The following STK31 variants were observed in gnomAD, a reference collection of about 807,000 sequenced individuals.
STK31 encodes serine/threonine-protein kinase 31.
STK31 carries 89 observed loss-of-function variants against 129.7 expected under a neutral mutation model. The ratio of observed to expected loss-of-function variants is 0.69; its 90% CI spans 0.58 to 0.82. The LOEUF (loss-of-function observed/expected upper bound fraction) is 0.82. STK31 is among the 40% of genes least tolerant of loss of function. The pLI is 0.00. For synonymous variants in STK31, 448 were observed against 395.3 expected, an observed-to-expected ratio of 1.13 and a Z score of -1.58; for missense variants, 1,187 against 1,176.4, an observed-to-expected ratio of 1.01 and a Z score of -0.13.
At chr7:23,778,843 C>G (rs1790723955) in intron 15 of STK31, among the ~76,000 whole-genome samples, 1 of 152,204 alleles carries the variant, frequency 6.6e-6, no homozygotes, top group South Asian at 2.1e-4. Flanking sequence ...GTCAATTCAT[C>G]AAACTCATTC....
chr7:23,799,273 G>A (rs900787031), intron 22 of STK31, among the ~76,000 whole-genome samples: 49 of 151,804 alleles, frequency 3.2e-4, no homozygotes, highest in African/African-American at 1.1e-3. Context: ...CAAAAAGCCC[G>A]TATAGCCAAG....
intron 22 of STK31, among the ~76,000 whole-genome samples, chr7:23,810,600 TTATATA>T (rs60718598): frequency 7.5e-6 from 1 of 133,160 alleles, no homozygotes; most frequent in African/African-American, 2.8e-5. Context: ...GTCCATCTTT[TTATATA>T]TATATATATA....
intron 4 of STK31, among the ~76,000 whole-genome samples, chr7:23,718,324 G>T (rs1786477446): frequency 6.6e-6 from 1 of 152,088 alleles, no homozygotes; most frequent in Non-Finnish European, 1.5e-5. Context: ...AGAGCAATTT[G>T]GCTTTTTTCT....
chr7:23,790,295 A>C (rs924582802), intron 21 of STK31, among the ~76,000 whole-genome samples: 3 of 152,204 alleles, frequency 2.0e-5, no homozygotes, highest in African/African-American at 7.2e-5. Flanking sequence ...AAAAATGGAC[A>C]AAAAAGAGGT....
At position 23,754,462 on chromosome 7, in the gene STK31, T is replaced by C. The variant is rs759996381; in HGVS notation, c.1281T>C (p.Thr427=). Residue 427 remains threonine (T), a synonymous_variant, in exon 10 of 24, where the codon ACT becomes ACC. Transcript: ENST00000355870. ...GTCTGGCTCAGGAGAATATTAAAAC[T>C]TGTGAATATGTGGTGAGTTGGGAAT... is the stretch of plus-strand genomic sequence containing the variant. ...EYSLAQENIK[T]CEYVSEGNIL... 6.2e-6 allele frequency: 10 copies of C among 1,610,006 alleles called. No individual in the cohort carries two copies. In the South Asian group the frequency reaches 1.0e-4, roughly 16 times the overall value.
At chr7:23,820,211 G>A (rs1246366120) in intron 23 of STK31, among the ~76,000 whole-genome samples, 2 of 152,144 alleles carry the variant, frequency 1.3e-5, no homozygotes, top group East Asian at 1.9e-4. Flanking sequence ...TGTATACACA[G>A]GGGATTGGTA....
chr7:23,798,096 A>G, intron 22 of STK31, among the ~76,000 whole-genome samples: 1 of 152,218 alleles, frequency 6.6e-6, no homozygotes, highest in Non-Finnish European at 1.5e-5. Context: ...TCTGAAATTG[A>G]GGCAGTTATT....
chr7:23,723,576 C>T (rs1405894591), intron 4 of STK31, among the ~76,000 whole-genome samples: 1 of 152,128 alleles, frequency 6.6e-6, no homozygotes, highest in Non-Finnish European at 1.5e-5. Context: ...GATTAATCAG[C>T]TACTTCTGAT....
chr7:23,760,801 G>A (rs1789415670), intron 10 of STK31, among the ~76,000 whole-genome samples: 1 of 108,728 alleles, frequency 9.2e-6, no homozygotes, highest in African/African-American at 3.6e-5. Flanking sequence ...TAGGACTACA[G>A]GCGGTGTACT....
chr7:23,721,766 G>C, intron 4 of STK31: 1 of 691,298 alleles, frequency 1.4e-6, no homozygotes, highest in Non-Finnish European at 2.7e-6. Flanking sequence ...CCTTTCCCAA[G>C]TGTTTTGTCC....
chr7:23,768,810 C>T (rs1449042018), intron 11 of STK31, among the ~76,000 whole-genome samples, 185 bp from the exon 12 acceptor site: 2 of 152,088 alleles, frequency 1.3e-5, no homozygotes, highest in African/African-American at 4.8e-5. Flanking sequence ...TGTTATGGTC[C>T]AAATAAACCA....
chr7:23,808,150 A>AT (rs1792831647), intron 22 of STK31, among the ~76,000 whole-genome samples: 8 of 130,806 alleles, frequency 6.1e-5, no homozygotes, highest in African/African-American at 1.7e-4. Flanking sequence ...AATCCTTTTT[A>AT]ATATATATAT....
chr7:23,733,126 T>G (rs1050989285), intron 6 of STK31, among the ~76,000 whole-genome samples: 2 of 152,154 alleles, frequency 1.3e-5, no homozygotes, highest in African/African-American at 4.8e-5. Context: ...TTCTGAATTT[T>G]ATGCCTTGGA....
intron 15 of STK31, among the ~76,000 whole-genome samples, chr7:23,776,412 C>A (rs1411912905): frequency 6.6e-6 from 1 of 152,072 alleles, no homozygotes; most frequent in Non-Finnish European, 1.5e-5. Flanking sequence ...ATGGTACTAG[C>A]TCTTCTTTGT....
At chr7:23,723,731 A>G (rs1786872839) in intron 4 of STK31, among the ~76,000 whole-genome samples, 1 of 152,332 alleles carries the variant, frequency 6.6e-6, no homozygotes, top group Non-Finnish European at 1.5e-5. Flanking sequence ...GAGAGTGAAT[A>G]TATAGTTTTC....
intron 23 of STK31, among the ~76,000 whole-genome samples, chr7:23,821,117 T>C (rs1345177603): frequency 1.3e-5 from 2 of 152,226 alleles, no homozygotes; most frequent in Non-Finnish European, 2.9e-5. Flanking sequence ...AACATGGGGA[T>C]GCAGGTTTCA....
intron 8 of STK31, among the ~76,000 whole-genome samples, chr7:23,737,629 C>T (rs977420269): frequency 3.9e-5 from 6 of 152,092 alleles, no homozygotes; most frequent in African/African-American, 1.4e-4. Context: ...TCATGAATGC[C>T]ACATGATTGT....
At chr7:23,805,131 A>C (rs1262751267) in intron 22 of STK31, among the ~76,000 whole-genome samples, 1 of 150,472 alleles carries the variant, frequency 6.6e-6, no homozygotes, top group African/African-American at 2.5e-5. Flanking sequence ...GCTAGGGTGC[A>C]GTGGTGTGAT....
chr7:23,753,186 A>G (rs1242805281), intron 9 of STK31, among the ~76,000 whole-genome samples: 1 of 152,220 alleles, frequency 6.6e-6, no homozygotes, highest in Admixed American at 6.5e-5. Context: ...TTTTCATTCA[A>G]CATTATTTCA....
Sources: gnomAD v4.1 joint callset for allele counts (sites outside exome capture counted in the v4.1 genomes callset) on GRCh38, gnomAD v4.1.1 for gene constraint, MANE v1.5 for transcripts, NCBI Gene and HGNC (gene_info 2026-07-23, HGNC 2026-07-21) for gene names.